GNAI1: variants seen among roughly 807,000 people sequenced by gnomAD.
GNAI1 encodes guanine nucleotide-binding protein G(i) subunit alpha-1.
GNAI1 carries 11 observed loss-of-function variants against 38.9 expected under a neutral mutation model. The ratio of observed to expected loss-of-function variants is 0.28; its 90% CI spans 0.18 to 0.47. The LOEUF is 0.47. Among genes scored for constraint, GNAI1 ranks in the 20% least tolerant of loss-of-function variants. The pLI, the probability that GNAI1 is intolerant of heterozygous loss-of-function variation, is 0.99. For missense variants in GNAI1, 317 were observed against 436.9 expected, an observed-to-expected ratio of 0.73 and a Z score of 2.45; for synonymous variants, 166 against 145.1, an observed-to-expected ratio of 1.14 and a Z score of -1.04.
intron 1 of GNAI1, among the ~76,000 whole-genome samples, chr7:80,169,198 G>A (rs1383065015): frequency 1.3e-5 from 2 of 152,144 alleles, no homozygotes; most frequent in Non-Finnish European, 2.9e-5. Flanking sequence ...TAGTCTACAC[G>A]TGGCTTTTGC....
At chr7:80,159,802 A>G (rs969549580) in intron 1 of GNAI1, among the ~76,000 whole-genome samples, 2 of 152,124 alleles carry the variant, frequency 1.3e-5, no homozygotes, top group African/African-American at 4.8e-5. Flanking sequence ...CCTCGCTGGT[A>G]GTGTGATTGT....
chr7:80,156,217 T>C (rs572962414), intron 1 of GNAI1, among the ~76,000 whole-genome samples: 50 of 152,130 alleles, frequency 3.3e-4, no homozygotes, highest in Non-Finnish European at 6.2e-4. Flanking sequence ...CTAAAAAATA[T>C]GTTGTACTCA....
At chr7:80,139,978 CTT>C (rs377275135) in intron 1 of GNAI1, among the ~76,000 whole-genome samples, 25 of 98,478 alleles carry the variant, frequency 2.5e-4, no homozygotes, top group East Asian at 3.6e-4. Flanking sequence ...GCCCCAATTT[CTT>C]TTTTTTTTTT....
intron 1 of GNAI1, chr7:80,135,843 G>A: frequency 1.0e-6 from 1 of 985,242 alleles, no homozygotes; most frequent in South Asian, 4.7e-5. Context: ...AAGTGGTCAA[G>A]GAGCGCTGAT....
chr7:80,156,525 T>TC (rs1229804596), intron 1 of GNAI1, among the ~76,000 whole-genome samples: 1 of 152,022 alleles, frequency 6.6e-6, no homozygotes, highest in Non-Finnish European at 1.5e-5. Context: ...GACTCCTGAC[T>TC]CAAGTGATCT....
chr7:80,154,007 C>T (rs1263836545), intron 1 of GNAI1, among the ~76,000 whole-genome samples: 16 of 152,162 alleles, frequency 1.1e-4, no homozygotes, highest in Non-Finnish European at 7.4e-5. Flanking sequence ...ACTGCAGCCT[C>T]GACTTCTCAG....
Position 80,212,809 on chromosome 7 carries a change from G to C in GNAI1, c.814G>C (p.Asp272His). The change falls in exon 7 of 8, where the codon GAT (aspartate) becomes CAT (histidine). Residue 272 changes from aspartate to histidine, a missense_variant. By Grantham distance (81) the Asp-to-His change is moderately conservative (BLOSUM62 -1). Around this residue, in one of 5 missense-constraint regions of GNAI1, gnomAD observed 158 missense variants for 234.7 expected, o/e 0.67. Transcript: ENST00000649796. ...CATTATACTTTTTCTAAACAAGAAGGATCTCTTTGAAGAAAAAATCAAAAA... is the reference window on the plus strand; with the variant it reads ...CATTATACTTTTTCTAAACAAGAAGCATCTCTTTGAAGAAAAAATCAAAAA... Reference protein sequence around the residue: ...TSIILFLNKKDLFEEKIKKSP... With the variant: ...TSIILFLNKKHLFEEKIKKSP... 6.3e-7 allele frequency: 1 copy of C among 1,577,746 alleles called. No homozygotes were observed.
At chr7:80,216,712 G>A (rs534908407) in intron 7 of GNAI1, among the ~76,000 whole-genome samples, 1 of 152,190 alleles carries the variant, frequency 6.6e-6, no homozygotes, top group South Asian at 2.1e-4. Flanking sequence ...AACAATTTCT[G>A]GAGTGTTTGT....
At chr7:80,144,922 A>G (rs1313716531) in intron 1 of GNAI1, among the ~76,000 whole-genome samples, 1 of 152,188 alleles carries the variant, frequency 6.6e-6, no homozygotes, top group African/African-American at 2.4e-5. Context: ...TGCAAGGTAT[A>G]TTTTGTTACT....
chr7:80,193,176 C>T (rs1788511811), intron 3 of GNAI1, among the ~76,000 whole-genome samples: 1 of 152,108 alleles, frequency 6.6e-6, no homozygotes, highest in Non-Finnish European at 1.5e-5. Context: ...TCATGGTTTT[C>T]TCTGCCAGAT....
intron 1 of GNAI1, among the ~76,000 whole-genome samples, chr7:80,161,050 C>T (rs1433173522): frequency 1.3e-5 from 2 of 152,118 alleles, no homozygotes; most frequent in Non-Finnish European, 2.9e-5. Flanking sequence ...ATCTTTGATA[C>T]ACTAAGTGAA....
At position 80,217,334 on chromosome 7, in the gene GNAI1, T is replaced by G; in HGVS notation, c.906T>G (p.Tyr302Ter). Reference sequence around the variant, plus strand: ...ACACATATGAAGAGGCAGCTGCATATATTCAATGTCAGTTTGAAGACCTCA... The same window carrying G: ...ACACATATGAAGAGGCAGCTGCATAGATTCAATGTCAGTTTGAAGACCTCA... ...GSNTYEEAAA[Y>*]IQCQFEDLNK... Residue 302 changes from tyrosine (Y) to a stop codon, truncating the protein, a stop_gained, in exon 8 of 8, where the codon TAT becomes TAG. Transcript: ENST00000649796. LOFTEE classifies it high-confidence loss of function. 5 of 1,597,078 alleles carry G rather than the reference T, an allele frequency of 3.1e-6. No homozygotes were observed. Among genetic ancestry groups the G allele is most frequent in the Non-Finnish European group, 4.3e-6 (5 of 1,173,096 alleles).
At chr7:80,200,288 T>G (rs1398461886) in intron 4 of GNAI1, among the ~76,000 whole-genome samples, 1 of 112,754 alleles carries the variant, frequency 8.9e-6, no homozygotes, top group Non-Finnish European at 1.6e-5. Context: ...CTCGTACCAC[T>G]GCACTCCAGC....
intron 1 of GNAI1, among the ~76,000 whole-genome samples, chr7:80,147,964 T>C (rs558825391): frequency 1.3e-5 from 2 of 152,340 alleles, no homozygotes; most frequent in African/African-American, 4.8e-5. Context: ...GCTGATAAAG[T>C]ACATAACACA....
At chr7:80,192,101 A>G (rs1214236858) in intron 3 of GNAI1, among the ~76,000 whole-genome samples, 1 of 152,184 alleles carries the variant, frequency 6.6e-6, no homozygotes, top group African/African-American at 2.4e-5. Flanking sequence ...CCTTCCTTGC[A>G]TATTGCAAAC....
chr7:80,169,162 C>T (rs1788061293), intron 1 of GNAI1, among the ~76,000 whole-genome samples: 1 of 152,166 alleles, frequency 6.6e-6, no homozygotes, highest in South Asian at 2.1e-4. Context: ...TGTGTCTTGA[C>T]AGATGACAAT....
intron 4 of GNAI1, among the ~76,000 whole-genome samples, chr7:80,201,445 T>C (rs1253012619): frequency 6.6e-6 from 1 of 152,176 alleles, no homozygotes; most frequent in Admixed American, 6.5e-5. Flanking sequence ...GGCCGGGCAT[T>C]GGTGGCTCAT....
chr7:80,192,412 C>T (rs1025459084), intron 3 of GNAI1, among the ~76,000 whole-genome samples: 2 of 152,152 alleles, frequency 1.3e-5, no homozygotes, highest in Non-Finnish European at 2.9e-5. Flanking sequence ...CCTATTCCGT[C>T]TATTCCTCAG....
intron 1 of GNAI1, among the ~76,000 whole-genome samples, chr7:80,142,683 G>C (rs1787547315): frequency 6.6e-6 from 1 of 152,148 alleles, no homozygotes; most frequent in African/African-American, 2.4e-5. Context: ...GGAAAAATTG[G>C]TACATATTCT....
Sources: gnomAD v4.1 joint callset for allele counts (sites outside exome capture counted in the v4.1 genomes callset) on GRCh38, gnomAD v4.1.1 for gene constraint, gnomAD v4.1.1 regional missense constraint, MANE v1.5 for transcripts, NCBI Gene and HGNC (gene_info 2026-07-23, HGNC 2026-07-21) for gene names.